C5orf22: variants seen among roughly 807,000 people sequenced by gnomAD.
C5orf22 encodes chromosome 5 open reading frame 22.
C5orf22 carries 36 observed loss-of-function variants against 48.7 expected under a neutral mutation model. The ratio of observed to expected loss-of-function variants is 0.74; its 90% CI spans 0.57 to 0.98. The LOEUF is 0.98. Among genes scored for constraint, C5orf22 ranks in the 50% least tolerant of loss-of-function variants. The pLI, the probability that C5orf22 is intolerant of heterozygous loss-of-function variation, is 0.00. For synonymous variants in C5orf22, 141 were observed against 180.8 expected (o/e 0.78, Z 1.76); for missense variants, 486 against 521.9 (o/e 0.93, Z 0.67).
chr5:31,542,672 G>A (rs1282418108), intron 6 of C5orf22, among the ~76,000 whole-genome samples: 1 of 152,124 alleles, frequency 6.6e-6, no homozygotes, highest in Non-Finnish European at 1.5e-5. Flanking sequence ...TGAAGCTGGA[G>A]TGAAAGAATA....
intron 4 of C5orf22, chr5:31,540,701 C>G (rs1742398320): frequency 2.5e-6 from 1 of 400,998 alleles, no homozygotes; most frequent in East Asian, 4.7e-5. Flanking sequence ...AGTACCATGC[C>G]CAGCTGGATA....
intron 4 of C5orf22, among the ~76,000 whole-genome samples, chr5:31,539,468 G>A (rs1742317969): frequency 6.6e-6 from 1 of 152,130 alleles, no homozygotes; most frequent in African/African-American, 2.4e-5. Flanking sequence ...TAAATCCTGT[G>A]TAACAGATTA....
intron 4 of C5orf22, among the ~76,000 whole-genome samples, chr5:31,540,334 A>T (rs772436427): frequency 6.6e-6 from 1 of 152,178 alleles, no homozygotes; most frequent in Non-Finnish European, 1.5e-5. Context: ...CCACCTATAT[A>T]ATGGATCCAT....
At position 31,553,453 on chromosome 5, in the gene C5orf22, T is replaced by C. The variant is rs1489885292; in HGVS notation, c.*551T>C. The C allele has an allele frequency of 1.3e-5, 2 of 151,458 alleles. No homozygotes were observed. Among genetic ancestry groups the C allele is most frequent in the Non-Finnish European group, 2.9e-5 (2 of 67,930 alleles). 9.4% of individuals were successfully genotyped at this position (151,458 alleles called of 1,614,324 possible). ...ATGGCTTTATAGGAAAGTAACATTC[T>C]CTATCTTTTTTTTTTTTTTTAATTT... On this transcript the variant is annotated 3_prime_UTR_variant, in exon 9 of 9. Coordinates refer to ENST00000325366, the MANE Select transcript of C5orf22 (RefSeq NM_018356.3).
chr5:31,532,639 G>A (rs1741633907), intron 1 of C5orf22, among the ~76,000 whole-genome samples, 166 bp downstream of exon 1: 1 of 152,124 alleles, frequency 6.6e-6, no homozygotes, highest in Non-Finnish European at 1.5e-5. Context: ...TAACTAGGAA[G>A]AATGAGAACT....
intron 7 of C5orf22, among the ~76,000 whole-genome samples, chr5:31,548,899 G>A (rs760761380): frequency 8.5e-5 from 13 of 152,176 alleles, no homozygotes; most frequent in Non-Finnish European, 1.5e-4. Context: ...GAGAGAGCTT[G>A]TGCAGCGAGA....
At chr5:31,548,735 T>A (rs1366574687) in intron 7 of C5orf22, 1 of 326,076 alleles carries the variant, frequency 3.1e-6, no homozygotes. Context: ...TTTACTGTAT[T>A]AGTCTGTTTT....
chr5:31,537,759 G>A (rs779863378), intron 3 of C5orf22, among the ~76,000 whole-genome samples: 3 of 152,206 alleles, frequency 2.0e-5, no homozygotes, highest in Non-Finnish European at 4.4e-5. Flanking sequence ...GTATGAGAGA[G>A]AACAAAGGAA....
rs1354129338 is a variant in C5orf22 at position 31,535,967 on chromosome 5, C to A, written c.377+74C>A. 3 of 1,439,218 alleles carry A rather than the reference C, an allele frequency of 2.1e-6. No homozygotes were observed. In the Admixed American group the frequency reaches 5.8e-5, roughly 28 times the overall value. 89.2% of individuals were successfully genotyped at this position (1,439,218 alleles called of 1,614,324 possible). A position where few individuals can be genotyped will look rare whatever the true frequency, so the allele number is the denominator to read the frequency against. Reference sequence around the variant, plus strand: ...TTATTTTGGATTCCTATAATAACTTCATAAGTCTCTGCACACAAATAGGGT... The same window carrying A: ...TTATTTTGGATTCCTATAATAACTTAATAAGTCTCTGCACACAAATAGGGT... On this transcript the variant is annotated intron_variant, in intron 3 of 8. Transcript: ENST00000325366.
rs146611495 is a variant in C5orf22 at position 31,539,580 on chromosome 5, A to G, written c.807+891A>G. On this transcript the variant is annotated intron_variant, in intron 4 of 8. Coordinates refer to ENST00000325366, the MANE Select transcript of C5orf22 (RefSeq NM_018356.3). The stretch of plus-strand genomic sequence containing the variant: ...TTACATAAGGAATTCAGTGGCAGTT[A>G]TTCCTTTTAGAGTGCTATTAGGAAA... Among the ~76,000 whole-genome samples, 810 of 152,344 alleles carry G rather than the reference A, an allele frequency of 5.3e-3. 13 individuals are homozygous for G. The highest frequency in any genetic ancestry group is 0.019 in the African/African-American group (790 of 41,574).
chr5:31,543,149 T>G (rs985670104), intron 6 of C5orf22, among the ~76,000 whole-genome samples: 5 of 152,242 alleles, frequency 3.3e-5, no homozygotes, highest in African/African-American at 1.2e-4. Flanking sequence ...ACTTAAAATA[T>G]TCAGAAACAT....
intron 7 of C5orf22, among the ~76,000 whole-genome samples, chr5:31,547,487 G>A (rs1742969100): frequency 6.6e-6 from 1 of 152,256 alleles, no homozygotes; most frequent in African/African-American, 2.4e-5. Flanking sequence ...TGCCCTAGCA[G>A]GGGTTCTCCA....
intron 4 of C5orf22, among the ~76,000 whole-genome samples, chr5:31,539,880 T>TA (rs201735364): frequency 7.3e-5 from 11 of 151,642 alleles, no homozygotes; most frequent in South Asian, 2.1e-4. Flanking sequence ...CCATCTCTAT[T>TA]AAAAAAAAAT....
chr5:31,532,569 GAGAGTTAACC>G, intron 1 of C5orf22, 96 bp downstream of exon 1: 13 of 1,080,356 alleles, frequency 1.2e-5, no homozygotes, highest in East Asian at 2.5e-5. Context: ...TCGGAGGCCA[GAGAGTTAACC>G]AGAGTTAAAC....
Position 31,538,253 on chromosome 5 carries a change from G to A in C5orf22, c.378-7G>A. ...CTTCTTAAAAATCGTTTTTTCCTCT[G>A]ATTCAGGGTTACAAGTACAGATCAT... On this transcript the variant is annotated splice_region_variant and splice_polypyrimidine_tract_variant and intron_variant, in intron 3 of 8. Transcript: ENST00000325366. 1 of 1,560,980 alleles carries A rather than the reference G, an allele frequency of 6.4e-7. No homozygotes were observed.
chr5:31,532,597 T>G, intron 1 of C5orf22, 124 bp downstream of exon 1: 2 of 776,112 alleles, frequency 2.6e-6, no homozygotes, highest in Non-Finnish European at 4.1e-6. Flanking sequence ...AACTGCCCTA[T>G]TCCGTTGCTG....
chr5:31,553,145 A>T lies in C5orf22; in HGVS notation c.*243A>T. ...TATCTGTCTTCCTTAAGTATTTTTT[A>T]GGGTTTTGTTTTTTTTTTTGTTTGT... is the stretch of plus-strand genomic sequence containing the variant. On this transcript the variant is annotated 3_prime_UTR_variant, in exon 9 of 9. Coordinates refer to ENST00000325366, the MANE Select transcript of C5orf22 (RefSeq NM_018356.3). The T allele has an allele frequency of 6.6e-6, 2 of 302,080 alleles. No individual in the cohort carries two copies. Among genetic ancestry groups the T allele is most frequent in the Admixed American group, 4.7e-5 (1 of 21,402 alleles). 18.7% of individuals were successfully genotyped at this position (302,080 alleles called of 1,614,324 possible).
At chr5:31,546,787 A>G (rs769778176) in intron 7 of C5orf22, among the ~76,000 whole-genome samples, 7 of 152,142 alleles carry the variant, frequency 4.6e-5, no homozygotes, top group Non-Finnish European at 7.4e-5. Flanking sequence ...ATCACCTCCC[A>G]TCGGCTTCCT....
At chr5:31,552,200 C>T (rs1045856470) in intron 8 of C5orf22, among the ~76,000 whole-genome samples, 2 of 152,170 alleles carry the variant, frequency 1.3e-5, no homozygotes, top group African/African-American at 4.8e-5. Context: ...GATATCTGCC[C>T]CAACCTACTT....
Sources: gnomAD v4.1 joint callset for allele counts (sites outside exome capture counted in the v4.1 genomes callset) on GRCh38, gnomAD v4.1.1 for gene constraint, MANE v1.5 for transcripts, NCBI Gene and HGNC (gene_info 2026-07-23, HGNC 2026-07-21) for gene names.